The following STARD13 variants were observed in gnomAD, a reference collection of about 807,000 sequenced individuals.
STARD13 encodes stAR-related lipid transfer protein 13.
STARD13 carries 62 observed loss-of-function variants against 106.4 expected under a neutral mutation model. The ratio of observed to expected loss-of-function variants is 0.58; its 90% confidence interval spans 0.48 to 0.72. The LOEUF is 0.72. STARD13 is among the 30% of genes least tolerant of loss of function. The probability of loss-of-function intolerance (pLI) is 0.00; values close to 1 mark genes in which losing one functional copy is unlikely to be tolerated. For missense variants in STARD13, 1,387 were observed against 1,424.0 expected, an observed-to-expected ratio of 0.97 and a Z score of 0.42; for synonymous variants, 565 against 553.0, an observed-to-expected ratio of 1.02 and a Z score of -0.31.
At chr13:33,321,292 G>A (rs1049379354) in intron 1 of STARD13, among the ~76,000 whole-genome samples, 2 of 152,110 alleles carry the variant, frequency 1.3e-5, no homozygotes, top group Non-Finnish European at 2.9e-5. Context: ...GATCACCTGA[G>A]GTCAGGAGTT....
the STARD13 span, among the ~76,000 whole-genome samples, chr13:33,376,947 G>T: frequency 5.9e-5 from 9 of 152,354 alleles, no homozygotes; most frequent in East Asian, 1.7e-3. Flanking sequence ...CCACTGTGGG[G>T]AAAAGGAGGG....
chr13:33,138,874 G>T (rs1286815799), intron 4 of STARD13: 1 of 476,808 alleles, frequency 2.1e-6, no homozygotes, highest in Non-Finnish European at 4.2e-6. Flanking sequence ...CTGCAAAACA[G>T]TTAGAAACTG....
At chr13:33,568,946 A>T in the STARD13 span, among the ~76,000 whole-genome samples, 1 of 147,958 alleles carries the variant, frequency 6.8e-6, no homozygotes, top group African/African-American at 2.5e-5. Context: ...ACTTTTTTAA[A>T]CTACCAATAA....
At chr13:33,195,119 G>A (rs1886521033) in intron 1 of STARD13, among the ~76,000 whole-genome samples, 1 of 152,180 alleles carries the variant, frequency 6.6e-6, no homozygotes. Context: ...CATGTTCAAT[G>A]AGAATACATT....
At chr13:33,360,158 C>T in the STARD13 span, among the ~76,000 whole-genome samples, 1 of 152,240 alleles carries the variant, frequency 6.6e-6, no homozygotes, top group African/African-American at 2.4e-5. Flanking sequence ...GGGGGAGCCT[C>T]AAGATGTAAT....
At chr13:33,499,627 T>TC in the STARD13 span, among the ~76,000 whole-genome samples, 5 of 113,526 alleles carry the variant, frequency 4.4e-5, no homozygotes, top group South Asian at 2.7e-4. Context: ...TTCTTCTTCT[T>TC]CTTCTTCTTC....
rs1594271676 is a variant in STARD13 at position 33,331,099 on chromosome 13, C to A, written c.124+19191G>T. Among the ~76,000 whole-genome samples the A allele has an allele frequency of 2.0e-5, 3 of 151,386 alleles. No individual in the cohort carries two copies. The South Asian group carries it at 6.3e-4, about 32-fold the overall frequency. ...ATCCAATAGAGCACCAAAGGATGAG[C>A]TTTGCAAGCTCCTCATCTGGCTCTG... On this transcript the variant is annotated intron_variant, in intron 1 of 5. Coordinates refer to the STARD13 transcript ENST00000567873.
At chr13:33,471,121 C>T in the STARD13 span, among the ~76,000 whole-genome samples, 1 of 152,144 alleles carries the variant, frequency 6.6e-6, no homozygotes, top group African/African-American at 2.4e-5. Flanking sequence ...GGAAGGGATC[C>T]AGTTTCAGCT....
chr13:33,165,322 C>A lies in STARD13; in HGVS notation c.323+15G>T. 2 of 1,598,472 alleles carry A rather than the reference C, an allele frequency of 1.3e-6. No homozygotes were observed. The highest frequency in any genetic ancestry group is 1.7e-4 in the Middle Eastern group (1 of 6,038). On this transcript the variant is annotated intron_variant, in intron 3 of 13. Transcript: ENST00000336934. ...TGAACAGTGGAAAGAAACAAAAATA[C>A]TTCACATGGTTTACCTGCAAAGAGG... is the stretch of plus-strand genomic sequence containing the variant.
chr13:33,296,479 ATT>A (rs1332235071), intron 1 of STARD13, among the ~76,000 whole-genome samples: 1 of 151,628 alleles, frequency 6.6e-6, no homozygotes, highest in African/African-American at 2.4e-5. Context: ...CTACTCCCTC[ATT>A]AAGTATTCAA....
chr13:33,354,329 AC>A (rs1453457925), upstream of STARD13, among the ~76,000 whole-genome samples: 1 of 151,890 alleles, frequency 6.6e-6, no homozygotes, highest in Admixed American at 6.6e-5. Context: ...TTTGTTCTTC[AC>A]TCATCCTTCG....
At chr13:33,364,113 TC>T in the STARD13 span, among the ~76,000 whole-genome samples, 18 of 151,448 alleles carry the variant, frequency 1.2e-4, no homozygotes, top group African/African-American at 4.1e-4. Context: ...TACTTAAGGT[TC>T]CCCCCCACCC....
chr13:33,676,607 AG>A, the STARD13 span: 2 of 152,182 alleles, frequency 1.3e-5, no homozygotes, highest in Non-Finnish European at 2.9e-5. Flanking sequence ...AACAACAAAG[AG>A]TTTTAAGGAG....
chr13:33,584,974 A>G, the STARD13 span, among the ~76,000 whole-genome samples: 1 of 152,196 alleles, frequency 6.6e-6, no homozygotes, highest in Non-Finnish European at 1.5e-5. Flanking sequence ...AGATGCCAGC[A>G]TCAGGCTTCC....
At chr13:33,530,917 T>G in the STARD13 span, among the ~76,000 whole-genome samples, 1 of 152,192 alleles carries the variant, frequency 6.6e-6, no homozygotes, top group Non-Finnish European at 1.5e-5. Flanking sequence ...TTTCACTTTA[T>G]TTATTAGTTT....
At chr13:33,674,288 A>G in the STARD13 span, among the ~76,000 whole-genome samples, 3 of 152,230 alleles carry the variant, frequency 2.0e-5, no homozygotes, top group Non-Finnish European at 4.4e-5. Flanking sequence ...AAATTTCTAC[A>G]ATGAAATATT....
the STARD13 span, among the ~76,000 whole-genome samples, chr13:33,467,702 C>T: frequency 0.21 from 31,599 of 152,080 alleles, 5,756 homozygotes; most frequent in African/African-American, 0.49. Context: ...AGCTACCATG[C>T]GCCAGGCACT....
chr13:33,226,953 A>G (rs1177019685), intron 1 of STARD13, among the ~76,000 whole-genome samples: 14 of 152,332 alleles, frequency 9.2e-5, no homozygotes, highest in Non-Finnish European at 1.3e-4. Context: ...CATTAAACAT[A>G]TGGCATATGT....
In STARD13 at chr13:33,154,163, C is replaced by T. The variant is rs571285652; in HGVS notation, c.323+11174G>A. Among the ~76,000 whole-genome samples, 8 of 152,232 alleles carry T rather than the reference C, an allele frequency of 5.3e-5. No individual in the cohort carries two copies. In the South Asian group the frequency reaches 8.3e-4, roughly 16 times the overall value. On this transcript the variant is annotated intron_variant, in intron 3 of 13. Transcript: ENST00000336934. ...CACAGGCCATCCACAGGGAGGGTGTCGGGCGCACTGGGGGCAGGGGGCAGG... is the reference window on the plus strand; with the variant it reads ...CACAGGCCATCCACAGGGAGGGTGTTGGGCGCACTGGGGGCAGGGGGCAGG...
Sources: allele counts gnomAD v4.1 joint callset (sites outside exome capture counted in the v4.1 genomes callset), GRCh38; gene constraint gnomAD v4.1.1; transcripts MANE v1.5; gene names NCBI Gene and HGNC (gene_info 2026-07-23, HGNC 2026-07-21).